The following CRYBB3 variants were observed in gnomAD, a reference collection of about 807,000 sequenced individuals.
The protein encoded by CRYBB3 is crystallin beta B3, also known as beta-crystallin B3.
A neutral mutation model predicts 28.3 loss-of-function variants in CRYBB3; 35 were observed. The observed-to-expected ratio is 1.24, with a 90% CI of 0.95 to 1.64. The LOEUF is 1.64. Ranked by LOEUF, CRYBB3 falls within the 40% of genes most tolerant of loss-of-function variation. CRYBB3 has a pLI of 0.00. For missense variants in CRYBB3, 296 were observed against 297.4 expected (o/e 1.00, Z 0.04); for synonymous variants, 106 against 110.4 (o/e 0.96, Z 0.25).
chr22:25,207,284 T>TCGGCCCTCGCCCCAACCC lies in CRYBB3; in HGVS notation c.*72_*73insCGGCCCTCGCCCCAACCC. Reference sequence around the variant, plus strand: ...AGGGCAAGAAGAGGAGGCTCCAGGGTTGGGGCGAGGGCCGACCTGTCCACC... The same window carrying TCGGCCCTCGCCCCAACCC: ...AGGGCAAGAAGAGGAGGCTCCAGGGTCGGCCCTCGCCCCAACCCTGGGGCGAGGGCCGACCTGTCCACC... On this transcript the variant is annotated 3_prime_UTR_variant, in exon 6 of 6. Transcript: ENST00000215855. 1 of 1,435,248 alleles carries TCGGCCCTCGCCCCAACCC rather than the reference T, an allele frequency of 7.0e-7. No individual in the cohort carries two copies. Among genetic ancestry groups the TCGGCCCTCGCCCCAACCC allele is most frequent in the Non-Finnish European group, 9.5e-7 (1 of 1,050,634 alleles). 88.9% of individuals were successfully genotyped at this position (1,435,248 alleles called of 1,614,324 possible). A position where few individuals can be genotyped will look rare whatever the true frequency, so the allele number is the denominator to read the frequency against.
intron 5 of CRYBB3, among the ~76,000 whole-genome samples, chr22:25,206,014 A>C (rs1291975787): frequency 6.6e-6 from 1 of 152,158 alleles, no homozygotes; most frequent in Admixed American, 6.6e-5. Flanking sequence ...AGTTGTACAG[A>C]GGAGAGCAGG....
chr22:25,202,572 T>C, intron 2 of CRYBB3, 102 bp from the exon 3 acceptor site: 3 of 1,595,474 alleles, frequency 1.9e-6, no homozygotes, highest in Non-Finnish European at 2.6e-6. Context: ...GCTGGAGAGA[T>C]GCAGAAAGCA....
intron 2 of CRYBB3, 25 bp from the exon 3 acceptor site, chr22:25,202,649 G>A: frequency 6.2e-7 from 1 of 1,613,174 alleles, no homozygotes; most frequent in Non-Finnish European, 8.5e-7. Context: ...GCAGAGGTGG[G>A]ATGTTTAGGA....
chr22:25,201,457 G>A lies in CRYBB3; in HGVS notation c.61G>A (p.Gly21Arg), dbSNP rs1934947562. Reference sequence around the variant, plus strand: ...AGCTGGCAAGAGCCATGGAGACCTTGGGGGCAGCTACAAGGTACTGGGCAG... The same window carrying A: ...AGCTGGCAAGAGCCATGGAGACCTTAGGGGCAGCTACAAGGTACTGGGCAG... Reference protein sequence around the residue: ...AAAGKSHGDLGGSYKVILYEL... With the variant: ...AAAGKSHGDLRGSYKVILYEL... The change falls in exon 2 of 6, where the codon GGG becomes AGG. Residue 21 changes from glycine to arginine, a missense_variant. Coordinates refer to ENST00000215855, the MANE Select transcript of CRYBB3 (RefSeq NM_004076.5). 1 of 1,612,912 alleles carries A rather than the reference G, an allele frequency of 6.2e-7. No individual in the cohort carries two copies. The highest frequency in any genetic ancestry group is 1.3e-5 in the African/African-American group (1 of 74,894).
intron 4 of CRYBB3, 81 bp downstream of exon 4, chr22:25,203,976 G>A: frequency 6.3e-7 from 1 of 1,580,048 alleles, no homozygotes; most frequent in East Asian, 2.2e-5. Context: ...CATTGCACAA[G>A]CTGGGCTGAG....
chr22:25,205,801 T>A (rs1935025025), intron 5 of CRYBB3, among the ~76,000 whole-genome samples: 1 of 152,138 alleles, frequency 6.6e-6, no homozygotes, highest in South Asian at 2.1e-4. Flanking sequence ...TTCCCTGCAC[T>A]CCTGTACTGT....
Position 25,203,839 on chromosome 22 carries a change from G to A in CRYBB3, c.271G>A (p.Ala91Thr), listed in dbSNP as rs768166313. 2 of 1,614,068 alleles carry A rather than the reference G, an allele frequency of 1.2e-6. No homozygotes were observed. The highest frequency in any genetic ancestry group is 1.3e-5 in the African/African-American group (1 of 74,934). The change falls in exon 4 of 6, where the codon GCC (alanine) becomes ACC (threonine). Residue 91 changes from alanine to threonine, a missense_variant. Ala to Thr is a moderately conservative substitution (Grantham distance 58). Coordinates refer to ENST00000215855, the MANE Select transcript of CRYBB3 (RefSeq NM_004076.5). ...GAAGGGGGATTATCCTCGCTGGGAT[G>A]CCTGGTCCAACAGCCGTGATAGTGA... ...LEKGDYPRWD[A>T]WSNSRDSDSL...
chr22:25,201,448 G>A lies in CRYBB3; in HGVS notation c.52G>A (p.Gly18Arg). The A allele has an allele frequency of 1.2e-6, 2 of 1,613,280 alleles. No individual in the cohort carries two copies. The highest frequency in any genetic ancestry group is 2.7e-5 in the African/African-American group (2 of 75,008). ...ACAGGCTGCAGCTGGCAAGAGCCATGGAGACCTTGGGGGCAGCTACAAGGT... is the reference window on the plus strand; with the variant it reads ...ACAGGCTGCAGCTGGCAAGAGCCATAGAGACCTTGGGGGCAGCTACAAGGT... ...PEQAAAGKSH[G>R]DLGGSYKVIL... Residue 18 changes from glycine (G) to arginine (R), a missense_variant, in exon 2 of 6, where the codon GGA becomes AGA. Physicochemically the swap from Gly to Arg is moderately radical, Grantham distance 125 (BLOSUM62 -2). Coordinates refer to ENST00000215855, the MANE Select transcript of CRYBB3 (RefSeq NM_004076.5).
chr22:25,200,881 G>A (rs1934934556), intron 1 of CRYBB3, among the ~76,000 whole-genome samples: 1 of 152,216 alleles, frequency 6.6e-6, no homozygotes, highest in African/African-American at 2.4e-5. Flanking sequence ...CTGGCACTGT[G>A]TAGGTGCTCA....
At chr22:25,202,534 T>A in intron 2 of CRYBB3, 140 bp from the exon 3 acceptor site, 2 of 1,540,260 alleles carry the variant, frequency 1.3e-6, no homozygotes, top group Admixed American at 3.6e-5. Context: ...TAGAGGGCAG[T>A]GCAGGCCCAC....
At chr22:25,202,585 G>C in intron 2 of CRYBB3, 89 bp from the exon 3 acceptor site, 1 of 1,603,076 alleles carries the variant, frequency 6.2e-7, no homozygotes, top group South Asian at 1.1e-5. Context: ...AGAAAGCAGA[G>C]GGTACCTCCC....
At chr22:25,203,679 A>G in intron 3 of CRYBB3, 84 bp from the exon 4 acceptor site, 1 of 1,502,622 alleles carries the variant, frequency 6.7e-7, no homozygotes, top group Non-Finnish European at 9.2e-7. Context: ...CAAGGTCAGC[A>G]GCTCTTGGAC....
rs541394973 is a variant in CRYBB3, at chr22:25,203,488, G to A, written c.195-275G>A. ...CACTGTCACCTATGGAATACTTACTGTGTACCGGGCATTGTGCTAAAGACT... is the reference window on the plus strand; with the variant it reads ...CACTGTCACCTATGGAATACTTACTATGTACCGGGCATTGTGCTAAAGACT... On this transcript the variant is annotated intron_variant, in intron 3 of 5. Coordinates refer to ENST00000215855, the MANE Select transcript of CRYBB3 (RefSeq NM_004076.5). 2.6e-5 allele frequency among the ~76,000 whole-genome samples: 4 copies of A among 152,340 alleles called. No homozygotes were observed. The East Asian group carries it at 7.7e-4, about 29-fold the overall frequency.
rs13055430 is a variant in CRYBB3 at position 25,207,041 on chromosome 22, C to T, written c.471-6C>T. 0.082 allele frequency: 132,737 copies of T among 1,610,468 alleles called. 6,212 individuals are homozygous for T. Among genetic ancestry groups the T allele is most frequent in the South Asian group, 0.14 (12,889 of 91,030 alleles). On this transcript the variant is annotated splice_region_variant and splice_polypyrimidine_tract_variant and intron_variant, in intron 5 of 5. Transcript: ENST00000215855. ...CGTCCACATCTCAACCTTGGTCTCC[C>T]GGCAGGTGGGTTGGCTATGAGTTCC...
rs779852655 is a variant in CRYBB3 at position 25,201,372 on chromosome 22, T to C, written c.-20-5T>C. On this transcript the variant is annotated splice_region_variant and splice_polypyrimidine_tract_variant and intron_variant, in intron 1 of 5. Coordinates refer to ENST00000215855, the MANE Select transcript of CRYBB3 (RefSeq NM_004076.5). Reference sequence around the variant, plus strand: ...TCCAGTGAACCATTTTCTTTTGGTTTGAAGCCAGAGGTGTTCCTGGGGAGA... The same window carrying C: ...TCCAGTGAACCATTTTCTTTTGGTTCGAAGCCAGAGGTGTTCCTGGGGAGA... 2.5e-6 allele frequency: 4 copies of C among 1,612,566 alleles called. No individual in the cohort carries two copies. Among genetic ancestry groups the C allele is most frequent in the Non-Finnish European group, 3.4e-6 (4 of 1,179,056 alleles).
intron 3 of CRYBB3, among the ~76,000 whole-genome samples, chr22:25,203,325 G>GT (rs748889908): frequency 1.6e-4 from 25 of 152,130 alleles, no homozygotes; most frequent in Non-Finnish European, 3.4e-4. Context: ...CCAGGCCTCT[G>GT]TTTTCTCATC....
chr22:25,203,574 G>T (rs1248825753), intron 3 of CRYBB3, among the ~76,000 whole-genome samples, 189 bp from the exon 4 acceptor site: 1 of 152,096 alleles, frequency 6.6e-6, no homozygotes, highest in Non-Finnish European at 1.5e-5. Context: ...TGGTTTTCTG[G>T]CCCAGAGTCT....
At chr22:25,204,738 C>G (rs1488380193) in intron 4 of CRYBB3, among the ~76,000 whole-genome samples, 1 of 152,144 alleles carries the variant, frequency 6.6e-6, no homozygotes, top group South Asian at 2.1e-4. Flanking sequence ...CTTTAAACAC[C>G]ACCCTTCTCC....
chr22:25,204,681 G>C (rs1359326199), intron 4 of CRYBB3, among the ~76,000 whole-genome samples: 1 of 152,170 alleles, frequency 6.6e-6, no homozygotes, highest in Non-Finnish European at 1.5e-5. Context: ...GCCTCCCAAA[G>C]TACTGGGATT....
Sources: gnomAD v4.1 joint callset for allele counts (sites outside exome capture counted in the v4.1 genomes callset) on GRCh38, gnomAD v4.1.1 for gene constraint, MANE v1.5 for transcripts, NCBI Gene and HGNC (gene_info 2026-07-23, HGNC 2026-07-21) for gene names.